ZNF599: variants seen among roughly 807,000 people sequenced by gnomAD.
ZNF599 encodes zinc finger protein 599.
In ZNF599, 10 loss-of-function variants were observed where a neutral mutation model predicts 11.7. The observed-to-expected ratio is 0.86, with a 90% confidence interval of 0.53 to 1.45. The LOEUF is 1.45. ZNF599 is among the 40% of genes most tolerant of loss of function. The pLI, the probability that ZNF599 is intolerant of heterozygous loss-of-function variation, is 0.00. For missense variants in ZNF599, 688 were observed against 713.6 expected, an observed-to-expected ratio of 0.96 and a Z score of 0.41; for synonymous variants, 232 against 253.2, an observed-to-expected ratio of 0.92 and a Z score of 0.79.
intron 3 of ZNF599, among the ~76,000 whole-genome samples, chr19:34,766,356 C>A (rs1340624413): frequency 6.6e-6 from 1 of 152,108 alleles, no homozygotes; most frequent in African/African-American, 2.4e-5. Context: ...TTCTGCGTAT[C>A]TGATACATAA....
intron 2 of ZNF599, among the ~76,000 whole-genome samples, chr19:34,768,165 A>G (rs578059788): frequency 6.6e-6 from 1 of 152,292 alleles, no homozygotes; most frequent in Non-Finnish European, 1.5e-5. Flanking sequence ...TGCCACATGC[A>G]CACTCAGCAA....
intron 2 of ZNF599, among the ~76,000 whole-genome samples, chr19:34,768,451 C>T (rs1279801662): frequency 6.6e-6 from 1 of 152,254 alleles, no homozygotes; most frequent in Non-Finnish European, 1.5e-5. Flanking sequence ...ATTTGAACAA[C>T]TGGAATAAGT....
intron 3 of ZNF599, chr19:34,763,605 T>TA (rs1468533624): frequency 6.6e-6 from 1 of 152,234 alleles, no homozygotes; most frequent in Non-Finnish European, 1.5e-5. Flanking sequence ...ACCCTGACCT[T>TA]AGACTTGCGG....
At chr19:34,782,083 C>A in the ZNF599 span, among the ~76,000 whole-genome samples, 2 of 152,224 alleles carry the variant, frequency 1.3e-5, no homozygotes, top group Non-Finnish European at 2.9e-5. Context: ...ATGTCACACT[C>A]TCGTCTTCCT....
rs946911835 is a variant in ZNF599 at position 34,760,283 on chromosome 19, G to A, written c.518C>T (p.Thr173Ile). The change falls in exon 4 of 4, where the codon ACT becomes ATT. Residue 173 changes from threonine to isoleucine, a missense_variant. Physicochemically the swap from Thr to Ile is moderately conservative, Grantham distance 89. Coordinates refer to ENST00000329285, the MANE Select transcript of ZNF599 (RefSeq NM_001007248.3). Reference sequence around the variant, plus strand: ...ACACTCATGGAGAGCATCTTGTGGAGTGACTCGTTCCTGTAAAACCCTTAA... The same window carrying A: ...ACACTCATGGAGAGCATCTTGTGGAATGACTCGTTCCTGTAAAACCCTTAA... The part of the protein sequence containing the change: ...LGLRVLQERV[T>I]PQDALHECDS... 35 of 1,614,062 alleles carry A rather than the reference G, an allele frequency of 2.2e-5. No individual in the cohort carries two copies. The Middle Eastern group carries it at 4.9e-4, about 23-fold the overall frequency.
Position 34,769,508 on chromosome 19 carries a change from T to C in ZNF599, c.66A>G (p.Glu22=), listed in dbSNP as rs2069168203. Residue 22 remains glutamate, a synonymous_variant, in exon 2 of 4, where the codon GAA becomes GAG. Transcript: ENST00000329285. ...TCTGGGCCAGGTCCAGGTGCCCCCA[T>C]TCCTCTCCAGTGAAGGTCACAACCA... is the stretch of plus-strand genomic sequence containing the variant. The part of the protein sequence containing the change: ...EDVVVTFTGE[E]WGHLDLAQRT... 6.2e-7 allele frequency: 1 copy of C among 1,614,050 alleles called. No homozygotes were observed. Among genetic ancestry groups the C allele is most frequent in the African/African-American group, 1.3e-5 (1 of 74,938 alleles).
chr19:34,775,215 A>C (rs1181457389), upstream of ZNF599, among the ~76,000 whole-genome samples: 2 of 152,246 alleles, frequency 1.3e-5, no homozygotes, highest in African/African-American at 2.4e-5. Context: ...ACCCAGTCTC[A>C]GGTTTTCCTT....
At chr19:34,765,687 C>A in intron 3 of ZNF599, 1 of 702,800 alleles carries the variant, frequency 1.4e-6, no homozygotes, top group Middle Eastern at 2.3e-4. Flanking sequence ...TGTCAAAAAG[C>A]AAGAAAATCA....
chr19:34,799,538 GA>G, the ZNF599 span, among the ~76,000 whole-genome samples: 1 of 152,314 alleles, frequency 6.6e-6, no homozygotes, highest in Middle Eastern at 3.4e-3. Context: ...TCATCCATAT[GA>G]AAGTTTTTGT....
chr19:34,774,345 G>A (rs1278410958), upstream of ZNF599, among the ~76,000 whole-genome samples: 1 of 152,120 alleles, frequency 6.6e-6, no homozygotes, highest in Non-Finnish European at 1.5e-5. Context: ...AGATGGCCCA[G>A]CTTATGCCCA....
chr19:34,805,229 C>T, the ZNF599 span, among the ~76,000 whole-genome samples: 2 of 135,722 alleles, frequency 1.5e-5, no homozygotes, highest in African/African-American at 5.5e-5. Context: ...GACGGAGTCT[C>T]ACTCTGTTGC....
the ZNF599 span, among the ~76,000 whole-genome samples, chr19:34,779,243 C>CT: frequency 0.012 from 667 of 57,212 alleles, 19 homozygotes; most frequent in Admixed American, 0.024. Context: ...CCATGCCCAG[C>CT]TTTTTTTTTT....
chr19:34,792,790 G>T, the ZNF599 span, among the ~76,000 whole-genome samples: 182 of 152,176 alleles, frequency 1.2e-3, 1 homozygote, highest in African/African-American at 4.0e-3. Flanking sequence ...ATGAACCCAG[G>T]AGACGGAGCT....
chr19:34,778,371 A>G, the ZNF599 span, among the ~76,000 whole-genome samples: 2 of 151,864 alleles, frequency 1.3e-5, no homozygotes, highest in East Asian at 3.8e-4. Context: ...ATGATTCAGA[A>G]AAAGGATATA....
chr19:34,785,098 A>G, the ZNF599 span, among the ~76,000 whole-genome samples: 1 of 149,142 alleles, frequency 6.7e-6, no homozygotes, highest in Non-Finnish European at 1.5e-5. Flanking sequence ...TACTTCTGAT[A>G]CTGCCACTTA....
At chr19:34,762,885 G>A (rs2069120835) in intron 3 of ZNF599, 6 of 152,076 alleles carry the variant, frequency 3.9e-5, no homozygotes. Context: ...ATATTTTTCT[G>A]ACTTTTTATT....
the ZNF599 span, among the ~76,000 whole-genome samples, chr19:34,785,307 A>T: frequency 7.2e-5 from 11 of 152,106 alleles, no homozygotes; most frequent in Non-Finnish European, 1.5e-4. Flanking sequence ...AGCGAACACC[A>T]CTTACCTGGA....
At position 34,759,229 on chromosome 19, in the gene ZNF599, C is replaced by A. The variant is rs926980568; in HGVS notation, c.1572G>T (p.Arg524=). The A allele has an allele frequency of 1.9e-6, 3 of 1,613,934 alleles. No homozygotes were observed. The highest frequency in any genetic ancestry group is 2.5e-6 in the Non-Finnish European group (3 of 1,180,006). ...KAFTQPANFV[R]HNRIHTGEKP... ...TTTCTCCAGTGTGGATCCTATTATG[C>A]CGAACAAAATTTGCAGGTTGGGTAA... Residue 524 remains arginine, a synonymous_variant, in exon 4 of 4, where the codon CGG becomes CGT. Coordinates refer to ENST00000329285, the MANE Select transcript of ZNF599 (RefSeq NM_001007248.3).
At chr19:34,777,253 T>G (rs1272838152), upstream of ZNF599, among the ~76,000 whole-genome samples, 2 of 127,018 alleles carry the variant, frequency 1.6e-5, no homozygotes, top group Non-Finnish European at 3.2e-5. Context: ...ATTTAAAATA[T>G]ATATTATATA....
Sources: gnomAD v4.1 joint callset for allele counts (sites outside exome capture counted in the v4.1 genomes callset) on GRCh38, gnomAD v4.1.1 for gene constraint, MANE v1.5 for transcripts, NCBI Gene and HGNC (gene_info 2026-07-23, HGNC 2026-07-21) for gene names.